The following PHTF2 variants were observed in gnomAD, a reference collection of about 807,000 sequenced individuals.
The protein encoded by PHTF2 is protein PHTF2.
A neutral mutation model predicts 101.2 loss-of-function variants in PHTF2; 60 were observed. The observed-to-expected ratio is 0.59, with a 90% confidence interval of 0.48 to 0.73. PHTF2 has a LOEUF of 0.73. PHTF2 is among the 30% of genes least tolerant of loss of function. The probability of loss-of-function intolerance (pLI) is 0.00; values close to 1 mark genes in which losing one functional copy is unlikely to be tolerated. For synonymous variants in PHTF2, 311 were observed against 307.3 expected (o/e 1.01, Z -0.13); for missense variants, 747 against 908.7 (o/e 0.82, Z 2.29).
At chr7:77,855,723 A>C (rs1797122850) in intron 3 of PHTF2, among the ~76,000 whole-genome samples, 1 of 152,110 alleles carries the variant, frequency 6.6e-6, no homozygotes, top group Non-Finnish European at 1.5e-5. Flanking sequence ...GCACCAGCTG[A>C]ATTCTGCCCC....
intron 1 of PHTF2, among the ~76,000 whole-genome samples, chr7:77,828,521 T>C (rs2150543098): frequency 6.6e-6 from 1 of 152,216 alleles, no homozygotes; most frequent in East Asian, 1.9e-4. Flanking sequence ...ATCAAGATTA[T>C]AACTCTAGGC....
At chr7:77,929,822 A>G (rs1210759438) in intron 12 of PHTF2, among the ~76,000 whole-genome samples, 1 of 152,146 alleles carries the variant, frequency 6.6e-6, no homozygotes, top group Non-Finnish European at 1.5e-5. Context: ...AGACCATTAT[A>G]TTCATAATAT....
chr7:77,940,667 G>T lies in PHTF2; in HGVS notation c.1872+8G>T, dbSNP rs1324500995. On this transcript the variant is annotated splice_region_variant and intron_variant, in intron 15 of 19. Coordinates refer to ENST00000416283, the Ensembl canonical transcript of PHTF2. ...CTCCGTTCCTATCTTAAGGTAGAAT[G>T]GGAGTGATAAAAGTAGCTTTAACAT... 3 of 1,580,986 alleles carry T rather than the reference G, an allele frequency of 1.9e-6. No individual in the cohort carries two copies. The highest frequency in any genetic ancestry group is 1.7e-6 in the Non-Finnish European group (2 of 1,160,156).
chr7:77,856,631 A>G (rs1409673449), intron 3 of PHTF2, among the ~76,000 whole-genome samples: 1 of 152,138 alleles, frequency 6.6e-6, no homozygotes, highest in Non-Finnish European at 1.5e-5. Context: ...TACCTGGCTT[A>G]AAAGTATTTT....
At chr7:77,849,351 A>C (rs1473577074) in intron 2 of PHTF2, among the ~76,000 whole-genome samples, 4 of 151,886 alleles carry the variant, frequency 2.6e-5, no homozygotes, top group Non-Finnish European at 5.9e-5. Flanking sequence ...TCAGTTGGCC[A>C]GGCTGGTCTT....
At chr7:77,827,394 A>C (rs1384467238) in intron 1 of PHTF2, among the ~76,000 whole-genome samples, 2 of 152,100 alleles carry the variant, frequency 1.3e-5, no homozygotes, top group Admixed American at 1.3e-4. Flanking sequence ...TCACTCTGTC[A>C]CCCAGGCTAG....
chr7:77,918,659 A>G (rs939987604), intron 9 of PHTF2, among the ~76,000 whole-genome samples: 3 of 152,186 alleles, frequency 2.0e-5, no homozygotes, highest in Non-Finnish European at 2.9e-5. Context: ...TTTCTTTCCC[A>G]GACAGAGGAA....
chr7:77,877,684 G>C (rs1316527986), intron 3 of PHTF2, among the ~76,000 whole-genome samples: 1 of 152,160 alleles, frequency 6.6e-6, no homozygotes, highest in Admixed American at 6.5e-5. Context: ...AACCACCATG[G>C]TGTTCTGCTT....
At chr7:77,902,259 C>T (rs569512347) in intron 7 of PHTF2, among the ~76,000 whole-genome samples, 17 of 152,180 alleles carry the variant, frequency 1.1e-4, no homozygotes, top group African/African-American at 4.1e-4. Flanking sequence ...TTATTCCTGC[C>T]ATAGGTATAG....
At chr7:77,922,991 A>G in intron 11 of PHTF2, 1 of 1,255,576 alleles carries the variant, frequency 8.0e-7, no homozygotes, top group Non-Finnish European at 1.0e-6. Flanking sequence ...AGCTCATTTT[A>G]TGCATTATCT....
intron 1 of PHTF2, among the ~76,000 whole-genome samples, chr7:77,822,490 GGCAGC>G (rs1794369307): frequency 6.6e-6 from 1 of 152,182 alleles, no homozygotes; most frequent in Non-Finnish European, 1.5e-5. Flanking sequence ...CCTAATCTGG[GGCAGC>G]GCAGCTGCAT....
chr7:77,859,568 T>C (rs1469655551), intron 3 of PHTF2, among the ~76,000 whole-genome samples: 2 of 149,642 alleles, frequency 1.3e-5, no homozygotes, highest in African/African-American at 2.4e-5. Flanking sequence ...TTTCTTCTTT[T>C]TTTTTTTTTT....
chr7:77,917,532 G>A (rs936418277), intron 9 of PHTF2, among the ~76,000 whole-genome samples: 5 of 152,014 alleles, frequency 3.3e-5, no homozygotes, highest in African/African-American at 4.8e-5. Context: ...ACAATCCTGC[G>A]GGGTTCATTC....
chr7:77,910,047 A>G (rs1337399617), intron 8 of PHTF2, 198 bp from the exon 8 acceptor site: 7 of 487,660 alleles, frequency 1.4e-5, no homozygotes, highest in Non-Finnish European at 2.5e-5. Context: ...GCAAGGACCA[A>G]TACCTTAACA....
chr7:77,842,013 G>C (rs1275210739), intron 2 of PHTF2, among the ~76,000 whole-genome samples: 4 of 152,106 alleles, frequency 2.6e-5, no homozygotes, highest in African/African-American at 9.7e-5. Context: ...TGGGATCAGA[G>C]GGTTTGAAAT....
chr7:77,880,393 T>C (rs1216476923), intron 3 of PHTF2, among the ~76,000 whole-genome samples: 1 of 152,214 alleles, frequency 6.6e-6, no homozygotes. Context: ...TCTCCCATCT[T>C]AGCTGCCATC....
intron 11 of PHTF2, among the ~76,000 whole-genome samples, chr7:77,924,629 G>A (rs1283935502): frequency 1.3e-5 from 2 of 152,208 alleles, no homozygotes; most frequent in Non-Finnish European, 2.9e-5. Flanking sequence ...AGTATTTTGT[G>A]CATGGATGGG....
At chr7:77,904,344 A>G (rs1377328111) in intron 7 of PHTF2, among the ~76,000 whole-genome samples, 1 of 152,200 alleles carries the variant, frequency 6.6e-6, no homozygotes, top group African/African-American at 2.4e-5. Flanking sequence ...TAGATTAGAC[A>G]TCAGACATCA....
At chr7:77,919,489 A>G (rs1242909052) in intron 9 of PHTF2, among the ~76,000 whole-genome samples, 1 of 152,178 alleles carries the variant, frequency 6.6e-6, no homozygotes, top group Middle Eastern at 3.2e-3. Flanking sequence ...GACTAACTTT[A>G]TATTTCTACT....
Sources: allele counts gnomAD v4.1 joint callset (sites outside exome capture counted in the v4.1 genomes callset), GRCh38; gene constraint gnomAD v4.1.1; transcripts MANE v1.5; gene names NCBI Gene and HGNC (gene_info 2026-07-23, HGNC 2026-07-21).